Variants in FHIT observed in about 807,000 individuals in gnomAD.
FHIT encodes the protein bis(5'-adenosyl)-triphosphatase.
FHIT carries 19 observed loss-of-function variants against 17.9 expected under a neutral mutation model. The observed-to-expected ratio is 1.06, with a 90% CI of 0.74 to 1.56. The LOEUF is 1.56. Ranked by LOEUF, FHIT falls within the 40% of genes most tolerant of loss-of-function variation. FHIT has a pLI of 0.00. For synonymous variants in FHIT, 81 were observed against 69.7 expected (o/e 1.16, Z -0.81); for missense variants, 248 against 189.2 (o/e 1.31, Z -1.82).
rs114145465 is a variant in FHIT, at chr3:60,653,347, C to T, written c.-17-116368G>A. 2.6e-3 allele frequency among the ~76,000 whole-genome samples: 400 copies of T among 151,642 alleles called. 3 individuals are homozygous for T. Among genetic ancestry groups the T allele is most frequent in the African/African-American group, 9.2e-3 (382 of 41,336 alleles). On this transcript the variant is annotated intron_variant, in intron 4 of 9. Transcript: ENST00000492590. ...AGAGCTCTTTGGAATTTTATAAATG[C>T]GTAAGTAAAAAATTCAATAGAAAGT...
chr3:60,136,369 T>C (rs941158025), intron 5 of FHIT, among the ~76,000 whole-genome samples: 1 of 152,140 alleles, frequency 6.6e-6, no homozygotes, highest in Non-Finnish European at 1.5e-5. Flanking sequence ...AAATAAACAG[T>C]TCTGTGGAAC....
At chr3:61,083,516 G>A (rs2035211267) in intron 2 of FHIT, among the ~76,000 whole-genome samples, 1 of 152,154 alleles carries the variant, frequency 6.6e-6, no homozygotes, top group South Asian at 2.1e-4. Context: ...CGTGAACCTG[G>A]GAGGAGGAGC....
At chr3:59,940,284 C>T (rs1266295564) in intron 7 of FHIT, among the ~76,000 whole-genome samples, 1 of 152,166 alleles carries the variant, frequency 6.6e-6, no homozygotes, top group Non-Finnish European at 1.5e-5. Flanking sequence ...TACTTAACCA[C>T]AAAATCTGTG....
At position 60,786,994 on chromosome 3, in the gene FHIT, A is replaced by C. The variant is rs571816847; in HGVS notation, c.-18+34925T>G. ...GAAAAGAAGCAGGAAAGAGGGAAAT[A>C]AGACAAAAAGAAAAAAAAAAAAACA... is the stretch of plus-strand genomic sequence containing the variant. On this transcript the variant is annotated intron_variant, in intron 4 of 9. Coordinates refer to ENST00000492590, the MANE Select transcript of FHIT (RefSeq NM_002012.4). Among the ~76,000 whole-genome samples the C allele has an allele frequency of 4.1e-5, 5 of 121,188 alleles. No homozygotes were observed. The South Asian group carries it at 1.2e-3, about 29-fold the overall frequency. The allele number at this position is 121,188 out of a possible 152,430, so 79.5% of individuals were successfully genotyped here. A position where few individuals can be genotyped will look rare whatever the true frequency, so the allele number is the denominator to read the frequency against.
intron 5 of FHIT, among the ~76,000 whole-genome samples, chr3:60,312,344 G>A (rs887996876): frequency 3.3e-5 from 5 of 152,000 alleles, no homozygotes; most frequent in Non-Finnish European, 7.4e-5. Flanking sequence ...GTCTCACTAT[G>A]TTGCCTAGGC....
chr3:60,090,110 G>A (rs1321157911), intron 5 of FHIT, among the ~76,000 whole-genome samples: 1 of 152,054 alleles, frequency 6.6e-6, no homozygotes, highest in Non-Finnish European at 1.5e-5. Flanking sequence ...ATCAAAATGG[G>A]AATCTGATCA....
intron 4 of FHIT, among the ~76,000 whole-genome samples, chr3:60,672,407 G>A (rs572205750): frequency 7.9e-5 from 12 of 152,068 alleles, no homozygotes; most frequent in South Asian, 4.2e-4. Context: ...AGTGGGGGTC[G>A]CAAGGTGCTC....
intron 8 of FHIT, among the ~76,000 whole-genome samples, chr3:59,818,847 G>A (rs1236033041): frequency 2.0e-5 from 3 of 152,168 alleles, no homozygotes; most frequent in Admixed American, 1.3e-4. Flanking sequence ...AAGGCACACA[G>A]AAATGCTTTC....
chr3:59,941,052 A>T (rs940603917), intron 7 of FHIT, among the ~76,000 whole-genome samples: 5 of 152,200 alleles, frequency 3.3e-5, no homozygotes, highest in Admixed American at 6.6e-5. Flanking sequence ...GGCACCCAAT[A>T]GGTATGTGTT....
At chr3:60,325,666 T>A (rs918880242) in intron 5 of FHIT, among the ~76,000 whole-genome samples, 1 of 152,208 alleles carries the variant, frequency 6.6e-6, no homozygotes, top group African/African-American at 2.4e-5. Flanking sequence ...ATTTCTACAG[T>A]ACAAGACATT....
intron 4 of FHIT, among the ~76,000 whole-genome samples, chr3:60,645,554 A>T (rs529034315): frequency 1.3e-5 from 2 of 152,274 alleles, no homozygotes; most frequent in South Asian, 4.1e-4. Context: ...AGTTGTCTCT[A>T]AAGAGACATC....
At chr3:60,114,487 TC>T (rs201628026) in intron 5 of FHIT, among the ~76,000 whole-genome samples, 9,239 of 80,474 alleles carry the variant, frequency 0.11, 3,771 homozygotes, top group Middle Eastern at 0.2. Flanking sequence ...ACAAGAGAAA[TC>T]CTTTTTTTTT....
chr3:61,027,168 C>T (rs1381180715), intron 3 of FHIT, among the ~76,000 whole-genome samples: 1 of 152,076 alleles, frequency 6.6e-6, no homozygotes, highest in Non-Finnish European at 1.5e-5. Flanking sequence ...CTCACGGCAA[C>T]CTCTGCCTCC....
intron 5 of FHIT, among the ~76,000 whole-genome samples, chr3:60,520,016 A>G (rs2035301031): frequency 6.6e-6 from 1 of 152,200 alleles, no homozygotes; most frequent in Non-Finnish European, 1.5e-5. Context: ...ATAGTACAGT[A>G]TGTACTATAG....
At chr3:60,157,843 G>A (rs965413213) in intron 5 of FHIT, among the ~76,000 whole-genome samples, 1 of 150,550 alleles carries the variant, frequency 6.6e-6, no homozygotes, top group Non-Finnish European at 1.5e-5. Context: ...ACCTCACAAT[G>A]TTATGGGTGA....
chr3:59,856,872 T>C (rs78396009), intron 8 of FHIT, among the ~76,000 whole-genome samples: 1 of 30,342 alleles, frequency 3.3e-5, no homozygotes. Flanking sequence ...CGGCTGAGTA[T>C]TTTTTTTTTT....
intron 2 of FHIT, among the ~76,000 whole-genome samples, chr3:61,138,337 A>T (rs2036976322): frequency 6.6e-6 from 1 of 152,222 alleles, no homozygotes; most frequent in African/African-American, 2.4e-5. Context: ...TTGAAGATAA[A>T]GTGACAGTTC....
At chr3:59,787,486 ACACACAC>A (rs1699358169) in intron 8 of FHIT, among the ~76,000 whole-genome samples, 2 of 23,236 alleles carry the variant, frequency 8.6e-5, no homozygotes, top group Non-Finnish European at 1.7e-4. Flanking sequence ...GGCAAAACAC[ACACACAC>A]ACACACACAC....
At position 60,494,090 on chromosome 3, in the gene FHIT, G is replaced by A. The variant is rs574970089; in HGVS notation, c.103+42770C>T. On this transcript the variant is annotated intron_variant, in intron 5 of 9. Coordinates refer to ENST00000492590, the MANE Select transcript of FHIT (RefSeq NM_002012.4). The stretch of plus-strand genomic sequence containing the variant: ...AACAAAATTCATCAATCATTTTAAA[G>A]TGTAAAATTCAGTGGCATTTTGTAC... Among the ~76,000 whole-genome samples the A allele has an allele frequency of 2.0e-5, 3 of 152,240 alleles. No individual in the cohort carries two copies. In the East Asian group the frequency reaches 5.8e-4, roughly 29 times the overall value.
Sources: allele counts gnomAD v4.1 joint callset (sites outside exome capture counted in the v4.1 genomes callset), GRCh38; gene constraint gnomAD v4.1.1; transcripts MANE v1.5; gene names NCBI Gene and HGNC (gene_info 2026-07-23, HGNC 2026-07-21).